Variants in TNXB observed in about 807,000 individuals in gnomAD.
The protein encoded by TNXB is tenascin XB, also known as tenascin-X.
Under a neutral mutation model 340.5 loss-of-function variants are expected in TNXB, and 183 were observed. The ratio of observed to expected loss-of-function variants is 0.54; its 90% CI spans 0.48 to 0.61. The LOEUF (loss-of-function observed/expected upper bound fraction) is 0.61. Among genes scored for constraint, TNXB ranks in the 20% least tolerant of loss-of-function variants. The pLI is 0.00. For missense variants in TNXB, 4,613 were observed against 5,446.4 expected (o/e 0.85, Z 4.82); for synonymous variants, 2,121 against 2,314.5 (o/e 0.92, Z 2.40).
rs554585144 is a variant in TNXB at position 32,107,078 on chromosome 6, C to T, written c.-9+2103G>A. Among the ~76,000 whole-genome samples the T allele has an allele frequency of 7.9e-5, 12 of 152,298 alleles. No individual in the cohort carries two copies. In the East Asian group the frequency reaches 2.3e-3, roughly 29 times the overall value. ...TAAGAAGGCTGATTTCTTGTTGGCT[C>T]CGAGGGCAGCTCTGTGAGTGAAAGA... On this transcript the variant is annotated intron_variant, in intron 1 of 43. Coordinates refer to ENST00000644971, the MANE Select transcript of TNXB (RefSeq NM_001365276.2).
chr6:32,057,934 A>G lies in TNXB; in HGVS notation c.7825+124T>C. 2.5e-6 allele frequency: 3 copies of G among 1,205,968 alleles called. No homozygotes were observed. The South Asian group carries it at 5.0e-5, about 20-fold the overall frequency. 74.7% of individuals were successfully genotyped at this position (1,205,968 alleles called of 1,614,324 possible). On this transcript the variant is annotated intron_variant, in intron 22 of 43. Transcript: ENST00000644971. ...CTGTCTCTCCATGACATGTCTTTCCATAATGTTGCTATATTCCTTTCACTG... is the reference window on the plus strand; with the variant it reads ...CTGTCTCTCCATGACATGTCTTTCCGTAATGTTGCTATATTCCTTTCACTG...
In TNXB at chr6:32,047,754, A is replaced by T. The variant is rs1562785021; in HGVS notation, c.10304T>A (p.Ile3435Asn). The change falls in exon 30 of 44, where the codon ATC becomes AAC. Residue 3435 changes from isoleucine (I) to asparagine (N), a missense_variant. Transcript: ENST00000644971. This position sits in a 1 kb window ranked among gnomAD's most constrained non-coding sequence, Gnocchi z 6.2. ...CTCACCTGTGGTGCTGTCAGCAGAG[A>T]TGGGGCCCAGTCGTTTCCTGCCTGA... Reference protein sequence around the residue: ...GLSGRKRLGPISADSTTAPLE... With the variant: ...GLSGRKRLGPNSADSTTAPLE... 3.1e-6 allele frequency: 5 copies of T among 1,603,886 alleles called. No homozygotes were observed. The highest frequency in any genetic ancestry group is 1.7e-4 in the Middle Eastern group (1 of 6,050).
At position 32,096,511 on chromosome 6, in the gene TNXB, C is replaced by A. The variant is rs769328541; in HGVS notation, c.1342G>T (p.Gly448Cys). 1 of 1,600,434 alleles carries A rather than the reference C, an allele frequency of 6.2e-7. No individual in the cohort carries two copies. Among genetic ancestry groups the A allele is most frequent in the Non-Finnish European group, 8.5e-7 (1 of 1,178,886 alleles). Residue 448 changes from glycine (G) to cysteine (C), a missense_variant, in exon 3 of 44, where the codon GGC becomes TGC. Coordinates refer to ENST00000644971, the MANE Select transcript of TNXB (RefSeq NM_001365276.2). ...TAGCCCGCATTGCAAACACACACGC[C>A]GTTCTCGCAGCGCCCGCGACCTCTA... Reference protein sequence around the residue: ...DCRGRGRCENGVCVCNAGYSG... With the variant: ...DCRGRGRCENCVCVCNAGYSG...
At chr6:32,060,941 G>A (rs1777968330) in intron 21 of TNXB, among the ~76,000 whole-genome samples, 1 of 151,930 alleles carries the variant, frequency 6.6e-6, no homozygotes, top group African/African-American at 2.4e-5. Flanking sequence ...GCCCAGCCTA[G>A]GCTCTCTTTT....
In TNXB at chr6:32,058,165, C is replaced by A; in HGVS notation, c.7718G>T (p.Ser2573Ile). Reference protein sequence around the residue: ...PQAVRVGGQESKVTVRGLEPG... With the variant: ...PQAVRVGGQEIKVTVRGLEPG... ...CTCCAGGCCCCTCACAGTGACCTTG[C>A]TCTCCTGGCCCCCAACACGCACCGC... The change falls in exon 22 of 44, where the codon AGC becomes ATC. Residue 2573 changes from serine to isoleucine, a missense_variant. Around this residue, in one of 7 missense-constraint regions of TNXB, gnomAD observed 4,327 missense variants for 4,859.4 expected, o/e 0.89. Transcript: ENST00000644971. This position sits in a 1 kb window ranked among gnomAD's most constrained non-coding sequence, Gnocchi z 5.1. 1 of 1,612,592 alleles carries A rather than the reference C, an allele frequency of 6.2e-7. No homozygotes were observed.
chr6:32,085,539 A>C lies in TNXB; in HGVS notation c.3148+211T>G, dbSNP rs1377447116. Among the ~76,000 whole-genome samples, 1 of 151,522 alleles carries C rather than the reference A, an allele frequency of 6.6e-6. No homozygotes were observed. The highest frequency in any genetic ancestry group is 1.5e-5 in the Non-Finnish European group (1 of 67,852). On this transcript the variant is annotated intron_variant, in intron 7 of 43. Transcript: ENST00000644971. The surrounding 1 kb of genome is among the most constrained non-coding windows in gnomAD (Gnocchi z 6.4). ...ACCTCTGCCTCTTTCCCCTCTCCCCACCCATCCTTATCATTGTTTTAAGAT... is the reference window on the plus strand; with the variant it reads ...ACCTCTGCCTCTTTCCCCTCTCCCCCCCCATCCTTATCATTGTTTTAAGAT...
rs1562857100 is a variant in TNXB, at chr6:32,084,515, C to G, written c.3343G>C (p.Ala1115Pro). The change falls in exon 8 of 44, where the codon GCC (alanine) becomes CCC (proline). Residue 1115 changes from alanine (A) to proline (P), a missense_variant. Ala to Pro is a conservative substitution (Grantham distance 27, BLOSUM62 -1). Around this residue, in one of 7 missense-constraint regions of TNXB, gnomAD observed 4,327 missense variants for 4,859.4 expected, o/e 0.89. Transcript: ENST00000644971. This position sits in a 1 kb window ranked among gnomAD's most constrained non-coding sequence, Gnocchi z 5.5. ...CCAGGATCCAGGGAGGTGATGACGG[C>G]CGAGCGCTGGGGTCCTTCCACGGGC... Reference protein sequence around the residue: ...VVPVEGPQRSAVITSLDPGRK... With the variant: ...VVPVEGPQRSPVITSLDPGRK... The G allele has an allele frequency of 6.2e-7, 1 of 1,609,300 alleles. No individual in the cohort carries two copies. The highest frequency in any genetic ancestry group is 8.5e-7 in the Non-Finnish European group (1 of 1,178,716).
Position 32,082,225 on chromosome 6 carries a change from C to T in TNXB, c.3547G>A (p.Glu1183Lys), listed in dbSNP as rs781061300. The part of the protein sequence containing the change: ...DSLHLSWTVP[E>K]GQFDTFMVQY... ...ACCATGAAGGTGTCAAACTGGCCCT[C>T]AGGGACAGTCCAGGAGAGGTGCAGT... is the stretch of plus-strand genomic sequence containing the variant. The change falls in exon 9 of 44, where the codon GAG becomes AAG. Residue 1183 changes from glutamate (E) to lysine (K), a missense_variant. Glu to Lys is a moderately conservative substitution (Grantham distance 56). This residue lies in a region of TNXB where 4,327 missense variants were observed against 4,859.4 expected (regional missense o/e 0.89). Transcript: ENST00000644971. The surrounding 1 kb of genome is among the most constrained non-coding windows in gnomAD (Gnocchi z 5.0). The T allele has an allele frequency of 1.2e-6, 2 of 1,612,256 alleles. No individual in the cohort carries two copies. Among genetic ancestry groups the T allele is most frequent in the Non-Finnish European group, 1.7e-6 (2 of 1,179,488 alleles).
In TNXB at chr6:32,046,583, G is replaced by A. The variant is rs1776901831; in HGVS notation, c.10325-127C>T. On this transcript the variant is annotated intron_variant, in intron 30 of 43. Transcript: ENST00000644971. The surrounding 1 kb of genome is among the most constrained non-coding windows in gnomAD (Gnocchi z 6.9). Reference sequence around the variant, plus strand: ...TGTAGCCCCAGGGACAGCTCCTTGAGGAGACACACAGGCCTGCTCCCGCCA... The same window carrying A: ...TGTAGCCCCAGGGACAGCTCCTTGAAGAGACACACAGGCCTGCTCCCGCCA... 2.5e-6 allele frequency: 2 copies of A among 810,828 alleles called. No individual in the cohort carries two copies. Among genetic ancestry groups the A allele is most frequent in the Non-Finnish European group, 3.7e-6 (2 of 547,180 alleles). 50.2% of individuals were successfully genotyped at this position (810,828 alleles called of 1,614,324 possible).
In TNXB at chr6:32,048,082, T is replaced by C; in HGVS notation, c.10046-70A>G. The C allele has an allele frequency of 2.0e-6, 3 of 1,533,294 alleles. No homozygotes were observed. The Admixed American group carries it at 5.4e-5, about 28-fold the overall frequency. 95.0% of individuals were successfully genotyped at this position (1,533,294 alleles called of 1,614,324 possible). A position where few individuals can be genotyped will look rare whatever the true frequency, so the allele number is the denominator to read the frequency against. On this transcript the variant is annotated intron_variant, in intron 29 of 43. Transcript: ENST00000644971. ...GGGGCCACGGAGCTTCCTGGGCTGC[T>C]ATGGCTCTGTGAGCCGGTCCCAGGA...
Position 32,073,533 on chromosome 6 carries a change from GAT to G in TNXB, c.4681+112_4681+113del. 1.1e-6 allele frequency: 1 copy of G among 927,080 alleles called. No homozygotes were observed. The highest frequency in any genetic ancestry group is 1.6e-6 in the Non-Finnish European group (1 of 619,156). 57.4% of individuals were successfully genotyped at this position (927,080 alleles called of 1,614,324 possible). On this transcript the variant is annotated intron_variant, in intron 12 of 43. Coordinates refer to ENST00000644971, the MANE Select transcript of TNXB (RefSeq NM_001365276.2). The surrounding 1 kb of genome is among the most constrained non-coding windows in gnomAD (Gnocchi z 4.6). ...GGGTCACCGAGCCAGGGCCTGAGGG[GAT>G]CTAGCCCCTCAGTGAGGGTGCGGTG...
At position 32,084,646 on chromosome 6, in the gene TNXB, G is replaced by C. The variant is rs573740606; in HGVS notation, c.3212C>G (p.Thr1071Arg). 3.3e-5 allele frequency: 52 copies of C among 1,598,514 alleles called. No homozygotes were observed. The South Asian group carries it at 4.2e-4, about 13-fold the overall frequency. The change falls in exon 8 of 44, where the codon ACA becomes AGA. Residue 1071 changes from threonine to arginine, a missense_variant. Coordinates refer to ENST00000644971, the MANE Select transcript of TNXB (RefSeq NM_001365276.2). The surrounding 1 kb of genome is among the most constrained non-coding windows in gnomAD (Gnocchi z 5.5). ...GPPRLGELTV[T>R]DRTSDSLLLR... is the part of the protein sequence containing the mutation. ...GAGCAAGGAGTCGGAGGTCCTGTCT[G>C]TCACCGTCAGCTCACCCAGGCGTGG...
At position 32,087,903 on chromosome 6, in the gene TNXB, T is replaced by TG; in HGVS notation, c.2779+881dup. 9.3e-6 allele frequency: 1 copy of TG among 108,080 alleles called. No homozygotes were observed. The allele number at this position is 108,080 out of a possible 1,614,324, so 6.7% of individuals were successfully genotyped here. A position where few individuals can be genotyped will look rare whatever the true frequency, so the allele number is the denominator to read the frequency against. On this transcript the variant is annotated intron_variant, in intron 6 of 43. Transcript: ENST00000644971. The surrounding 1 kb of genome is among the most constrained non-coding windows in gnomAD (Gnocchi z 9.0). ...CTGGCCTCGAGGGCCAAGGGGGCCG[T>TG]GGGGGCCGCGGGGCTGGGGCTGGCC...
chr6:32,107,450 C>T (rs1158089201), intron 1 of TNXB, among the ~76,000 whole-genome samples: 3 of 152,130 alleles, frequency 2.0e-5, no homozygotes, highest in Non-Finnish European at 4.4e-5. Flanking sequence ...CATTCCAGCT[C>T]CTGGGATAAT....
intron 33 of TNXB, 78 bp downstream of exon 33, chr6:32,044,303 C>T (rs1156667732): frequency 3.3e-5 from 16 of 481,652 alleles, no homozygotes; most frequent in African/African-American, 8.3e-5. Flanking sequence ...CCCACCCCCA[C>T]CGCTGGCTGA....
rs972272992 is a variant in TNXB at position 32,050,089 on chromosome 6, T to C, written c.9348A>G (p.Ser3116=). The C allele has an allele frequency of 5.0e-6, 8 of 1,613,608 alleles. No homozygotes were observed. Among genetic ancestry groups the C allele is most frequent in the African/African-American group, 4.0e-5 (3 of 74,930 alleles). The change falls in exon 27 of 44, where the codon TCA becomes TCG. Residue 3116 remains serine, a synonymous_variant. Coordinates refer to ENST00000644971, the MANE Select transcript of TNXB (RefSeq NM_001365276.2). ...TGTATTTATGGTCTGGCTCCAGGCCTGAGATGGTGACCCCGTCCTCGTGCC... is the reference window on the plus strand; with the variant it reads ...TGTATTTATGGTCTGGCTCCAGGCCCGAGATGGTGACCCCGTCCTCGTGCC... ...VPGHEDGVTI[S]GLEPDHKYKM...
rs1294239517 is a variant in TNXB, at chr6:32,096,322, G to A, written c.1531C>T (p.Arg511Cys). The change falls in exon 3 of 44, where the codon CGC becomes TGC. Residue 511 changes from arginine to cysteine, a missense_variant. By Grantham distance (180) the Arg-to-Cys change is radical (BLOSUM62 -3). This residue lies in a region of TNXB where 4,327 missense variants were observed against 4,859.4 expected (regional missense o/e 0.89). Transcript: ENST00000644971. The part of the protein sequence containing the change: ...CRGRGRCVDG[R>C]CVCNPGFTGE... The stretch of plus-strand genomic sequence containing the variant: ...GTGAAGCCCGGGTTGCACACGCAGC[G>A]GCCATCCACGCAGCGCCCGCGCCCG... 6.5e-7 allele frequency: 1 copy of A among 1,548,628 alleles called. No homozygotes were observed. The highest frequency in any genetic ancestry group is 2.4e-5 in the East Asian group (1 of 41,360).
Position 32,079,833 on chromosome 6 carries a change from C to T in TNXB, c.4043-468G>A, listed in dbSNP as rs1490539817. On this transcript the variant is annotated intron_variant, in intron 10 of 43. Transcript: ENST00000644971. This position sits in a 1 kb window ranked among gnomAD's most constrained non-coding sequence, Gnocchi z 7.1. ...AGGAATGAATTGCTAAGGCAGGGCTCCAGGCATGAGTGGGAGAAAAATTCT... is the reference window on the plus strand; with the variant it reads ...AGGAATGAATTGCTAAGGCAGGGCTTCAGGCATGAGTGGGAGAAAAATTCT... Among the ~76,000 whole-genome samples the T allele has an allele frequency of 6.6e-6, 1 of 152,176 alleles. No homozygotes were observed. Among genetic ancestry groups the T allele is most frequent in the Non-Finnish European group, 1.5e-5 (1 of 68,032 alleles).
rs1297361126 is a variant in TNXB, at chr6:32,075,840, T to G, written c.4376-1888A>C. Among the ~76,000 whole-genome samples, 1 of 152,152 alleles carries G rather than the reference T, an allele frequency of 6.6e-6. No homozygotes were observed. Among genetic ancestry groups the G allele is most frequent in the African/African-American group, 2.4e-5 (1 of 41,422 alleles). ...TAGAAGGTGGTCCCAAGAGGCAAAA[T>G]GGCAGAGAAGGTGGCTGGATGGGTG... On this transcript the variant is annotated intron_variant, in intron 11 of 43. Transcript: ENST00000644971. The surrounding 1 kb of genome is among the most constrained non-coding windows in gnomAD (Gnocchi z 4.6).
Sources: allele counts gnomAD v4.1 joint callset (sites outside exome capture counted in the v4.1 genomes callset), GRCh38; gene constraint gnomAD v4.1.1; regional missense constraint gnomAD v4.1.1; non-coding constraint Gnocchi (gnomAD v3.1); transcripts MANE v1.5; gene names NCBI Gene and HGNC (gene_info 2026-07-23, HGNC 2026-07-21).